ITGBL1: variants seen among roughly 807,000 people sequenced by gnomAD.
ITGBL1 encodes integrin beta-like protein 1.
ITGBL1 carries 51 observed loss-of-function variants against 68.5 expected under a neutral mutation model. That is an observed-to-expected ratio of 0.74 (90% CI 0.59 to 0.94). ITGBL1 has a LOEUF of 0.94. Ranked by LOEUF, ITGBL1 falls within the 40% of genes least tolerant of loss-of-function variation. ITGBL1 has a pLI of 0.00. For missense variants in ITGBL1, 649 were observed against 647.4 expected, an observed-to-expected ratio of 1.00 and a Z score of -0.03; for synonymous variants, 209 against 227.3, an observed-to-expected ratio of 0.92 and a Z score of 0.72.
intron 2 of ITGBL1, among the ~76,000 whole-genome samples, chr13:101,454,808 C>T (rs1022324996): frequency 1.3e-5 from 2 of 152,114 alleles, no homozygotes; most frequent in South Asian, 2.1e-4. Context: ...AAAAAGTAAA[C>T]GGGCACATAT....
chr13:101,571,721 A>AT (rs908909581), intron 3 of ITGBL1, among the ~76,000 whole-genome samples: 2 of 151,836 alleles, frequency 1.3e-5, no homozygotes, highest in Non-Finnish European at 2.9e-5. Context: ...ATTATTTCTC[A>AT]TTTTTTTCCT....
chr13:101,585,377 A>G (rs2050534994), intron 6 of ITGBL1, among the ~76,000 whole-genome samples: 1 of 152,184 alleles, frequency 6.6e-6, no homozygotes, highest in Non-Finnish European at 1.5e-5. Flanking sequence ...TTCAAGTTGT[A>G]AGCATAGAGT....
intron 7 of ITGBL1, among the ~76,000 whole-genome samples, chr13:101,628,599 A>ATTTTT (rs34600896): frequency 7.8e-5 from 11 of 140,746 alleles, no homozygotes; most frequent in African/African-American, 2.7e-4. Flanking sequence ...TACCCAGCTA[A>ATTTTT]TTTTTTTTTT....
At chr13:101,602,317 A>G (rs563772318) in intron 7 of ITGBL1, among the ~76,000 whole-genome samples, 1 of 152,168 alleles carries the variant, frequency 6.6e-6, no homozygotes, top group East Asian at 1.9e-4. Flanking sequence ...TGTTCTTGGT[A>G]TCAGATCAGT....
chr13:101,650,407 C>A (rs904970790), intron 7 of ITGBL1, among the ~76,000 whole-genome samples: 7 of 151,828 alleles, frequency 4.6e-5, no homozygotes, highest in Admixed American at 2.6e-4. Context: ...CCAGTATCTT[C>A]CTTTGACAGT....
intron 9 of ITGBL1, among the ~76,000 whole-genome samples, chr13:101,707,341 T>C (rs778214415): frequency 9.2e-5 from 14 of 152,108 alleles, no homozygotes; most frequent in Admixed American, 2.6e-4. Flanking sequence ...GGGGCTAAAT[T>C]ATTTAGCTGT....
At chr13:101,659,039 ATTTT>A (rs55935871) in intron 7 of ITGBL1, among the ~76,000 whole-genome samples, 2 of 103,848 alleles carry the variant, frequency 1.9e-5, no homozygotes, top group Non-Finnish European at 3.6e-5. Context: ...TGGTGATTGA[ATTTT>A]TTTTTTTTTT....
At chr13:101,618,688 AAC>A (rs1566760536) in intron 7 of ITGBL1, among the ~76,000 whole-genome samples, 1 of 152,148 alleles carries the variant, frequency 6.6e-6, no homozygotes, top group African/African-American at 2.4e-5. Context: ...AACAGCCTCC[AAC>A]ACACACGTTT....
intron 8 of ITGBL1, among the ~76,000 whole-genome samples, chr13:101,700,220 T>G (rs972039287): frequency 1.3e-5 from 2 of 152,224 alleles, no homozygotes; most frequent in African/African-American, 4.8e-5. Context: ...AAAACAGAGC[T>G]GTTTTTCTGC....
chr13:101,519,980 T>G (rs1023826838), intron 2 of ITGBL1, among the ~76,000 whole-genome samples: 1 of 152,196 alleles, frequency 6.6e-6, no homozygotes, highest in African/African-American at 2.4e-5. Context: ...ATATAGTGAT[T>G]TATTAGTATG....
intron 2 of ITGBL1, among the ~76,000 whole-genome samples, chr13:101,518,319 C>T (rs1314297106): frequency 3.9e-5 from 6 of 152,098 alleles, no homozygotes; most frequent in Non-Finnish European, 7.4e-5. Context: ...TACCATCAAT[C>T]GTTATGTTAA....
At chr13:101,625,558 A>T (rs1297790275) in intron 7 of ITGBL1, among the ~76,000 whole-genome samples, 8 of 149,722 alleles carry the variant, frequency 5.3e-5, no homozygotes, top group African/African-American at 2.0e-4. Flanking sequence ...GTAATGGCTA[A>T]TTTTTTTTTT....
intron 2 of ITGBL1, among the ~76,000 whole-genome samples, chr13:101,551,579 C>G (rs1382103264): frequency 2.6e-5 from 4 of 152,102 alleles, no homozygotes; most frequent in Non-Finnish European, 4.4e-5. Context: ...GGTACCTGAG[C>G]TGGGTAAGTG....
intron 2 of ITGBL1, among the ~76,000 whole-genome samples, chr13:101,544,488 C>G (rs1344772449): frequency 6.6e-6 from 1 of 152,192 alleles, no homozygotes; most frequent in African/African-American, 2.4e-5. Context: ...CCCAGCTAGG[C>G]TCCTCGGGGG....
At chr13:101,646,446 A>G (rs1248209416) in intron 7 of ITGBL1, among the ~76,000 whole-genome samples, 1 of 152,198 alleles carries the variant, frequency 6.6e-6, no homozygotes, top group Admixed American at 6.5e-5. Flanking sequence ...TAAAATGTAT[A>G]TATAAAAGTT....
chr13:101,492,716 G>A (rs1212828454), intron 2 of ITGBL1, among the ~76,000 whole-genome samples: 1 of 152,060 alleles, frequency 6.6e-6, no homozygotes, highest in African/African-American at 2.4e-5. Context: ...ATTCCATTAT[G>A]CAATTCACCA....
At chr13:101,576,921 T>C (rs1314240964) in intron 4 of ITGBL1, among the ~76,000 whole-genome samples, 1 of 150,858 alleles carries the variant, frequency 6.6e-6, no homozygotes, top group Non-Finnish European at 1.5e-5. Flanking sequence ...GTGTTTGTCC[T>C]CTTGATGTTT....
intron 2 of ITGBL1, among the ~76,000 whole-genome samples, chr13:101,533,949 C>G (rs1220787967): frequency 1.3e-5 from 2 of 152,062 alleles, no homozygotes; most frequent in African/African-American, 2.4e-5. Flanking sequence ...AAATCTTTGC[C>G]TATTTTCCAA....
Position 101,452,865 on chromosome 13 carries a change from T to G in ITGBL1, c.32T>G (p.Leu11Arg). The change falls in exon 1 of 11, where the codon CTG (leucine) becomes CGG (arginine). Residue 11 changes from leucine to arginine, a missense_variant. Physicochemically the swap from Leu to Arg is moderately radical, Grantham distance 102 (BLOSUM62 -2). Transcript: ENST00000376180. Reference sequence around the variant, plus strand: ...CCCCCAGGCTTCAGGAACTTCTTGCTGCTGGCGTCCTCCCTTCTCTTTGCT... The same window carrying G: ...CCCCCAGGCTTCAGGAACTTCTTGCGGCTGGCGTCCTCCCTTCTCTTTGCT... MRPPGFRNFL[L>R]LASSLLFAGL... 1 of 1,614,200 alleles carries G rather than the reference T, an allele frequency of 6.2e-7. No homozygotes were observed. The highest frequency in any genetic ancestry group is 8.5e-7 in the Non-Finnish European group (1 of 1,180,038).
Sources: gnomAD v4.1 joint callset for allele counts (sites outside exome capture counted in the v4.1 genomes callset) on GRCh38, gnomAD v4.1.1 for gene constraint, MANE v1.5 for transcripts, NCBI Gene and HGNC (gene_info 2026-07-23, HGNC 2026-07-21) for gene names.